The following CCSER1 variants were observed in gnomAD, a reference collection of about 807,000 sequenced individuals.
CCSER1 encodes the protein serine-rich coiled-coil domain-containing protein 1.
A neutral mutation model predicts 82.0 loss-of-function variants in CCSER1; 41 were observed. The ratio of observed to expected loss-of-function variants is 0.50; its 90% CI spans 0.39 to 0.65. The LOEUF (loss-of-function observed/expected upper bound fraction) is 0.65. Ranked by LOEUF, CCSER1 falls within the 30% of genes least tolerant of loss-of-function variation. The pLI is 0.00. For missense variants in CCSER1, 1,119 were observed against 1,064.2 expected, an observed-to-expected ratio of 1.05 and a Z score of -0.72; for synonymous variants, 414 against 383.9, an observed-to-expected ratio of 1.08 and a Z score of -0.92.
Position 91,598,758 on chromosome 4 carries a change from G to T in CCSER1, c.2404G>T (p.Val802Phe). Residue 802 changes from valine to phenylalanine, a missense_variant, in exon 11 of 11, where the codon GTT (valine) becomes TTT (phenylalanine). Val to Phe is a conservative substitution (Grantham distance 50). Transcript: ENST00000509176. ...NFLKDKELAE[V>F]IKHSRGTYET... ...CCTGAAGGACAAGGAACTAGCAGAA[G>T]TTATCAAACATTCAAGAGGAACTTA... 6.4e-7 allele frequency: 1 copy of T among 1,551,580 alleles called. No homozygotes were observed.
chr4:90,734,517 AG>A (rs1561040195), intron 7 of CCSER1, among the ~76,000 whole-genome samples: 1 of 152,148 alleles, frequency 6.6e-6, no homozygotes, highest in Non-Finnish European at 1.5e-5. Flanking sequence ...TTTTCATTGT[AG>A]AGAGCTTTCA....
chr4:90,965,201 G>A (rs1293547028), intron 9 of CCSER1, among the ~76,000 whole-genome samples: 2 of 152,122 alleles, frequency 1.3e-5, no homozygotes, highest in Admixed American at 6.5e-5. Flanking sequence ...GCTTGAGGCA[G>A]TGATACAAGT....
At chr4:90,957,439 A>T (rs1029546225) in intron 9 of CCSER1, among the ~76,000 whole-genome samples, 2 of 143,304 alleles carry the variant, frequency 1.4e-5, no homozygotes, top group Non-Finnish European at 3.0e-5. Context: ...CTAAAAACGA[A>T]CAGCAATTTC....
chr4:91,257,472 TACACAC>T (rs34423543), intron 10 of CCSER1, among the ~76,000 whole-genome samples: 31,693 of 148,904 alleles, frequency 0.21, 3,747 homozygotes, highest in East Asian at 0.34. Context: ...AATACATACC[TACACAC>T]ACACACACAC....
intron 9 of CCSER1, among the ~76,000 whole-genome samples, chr4:91,008,247 G>A (rs1738695553): frequency 6.6e-6 from 1 of 152,102 alleles, no homozygotes; most frequent in African/African-American, 2.4e-5. Flanking sequence ...ATTTTCTCTA[G>A]AGTGAAGTTT....
At chr4:90,611,059 C>CTTTTCTTTTTTTTTTTTTTTTT (rs1303751301) in intron 5 of CCSER1, among the ~76,000 whole-genome samples, 11 of 93,820 alleles carry the variant, frequency 1.2e-4, no homozygotes, top group African/African-American at 5.6e-4. Flanking sequence ...CTTTTCTTTT[C>CTTTTCTTTTTTTTTTTTTTTTT]TTTTTTTTTT....
chr4:91,430,158 A>G (rs563135815), intron 10 of CCSER1, among the ~76,000 whole-genome samples: 3 of 152,162 alleles, frequency 2.0e-5, no homozygotes, highest in African/African-American at 7.2e-5. Context: ...TGTTCAGAAC[A>G]TAAGTATTTT....
intron 1 of CCSER1, among the ~76,000 whole-genome samples, chr4:90,268,923 C>A (rs565202941): frequency 6.6e-6 from 1 of 152,002 alleles, no homozygotes; most frequent in South Asian, 2.1e-4. Context: ...AAATAGATTT[C>A]TAAACAAAGA....
intron 8 of CCSER1, among the ~76,000 whole-genome samples, chr4:90,854,205 G>A (rs1025465080): frequency 6.6e-6 from 1 of 152,160 alleles, no homozygotes; most frequent in Non-Finnish European, 1.5e-5. Context: ...ATATTTCATG[G>A]ATATTGTTGA....
chr4:91,021,608 T>G (rs1739973513), intron 9 of CCSER1, among the ~76,000 whole-genome samples: 1 of 152,214 alleles, frequency 6.6e-6, no homozygotes, highest in Non-Finnish European at 1.5e-5. Flanking sequence ...TAGAAATATT[T>G]TATGATTTTC....
intron 10 of CCSER1, among the ~76,000 whole-genome samples, chr4:91,366,585 CA>C (rs1303061742): frequency 1.3e-5 from 2 of 152,200 alleles, no homozygotes; most frequent in Non-Finnish European, 2.9e-5. Context: ...AATTCTCTTT[CA>C]GTAGATTGTC....
At chr4:90,304,889 ACT>A (rs1005805661) in intron 1 of CCSER1, among the ~76,000 whole-genome samples, 8 of 151,324 alleles carry the variant, frequency 5.3e-5, no homozygotes, top group Non-Finnish European at 1.2e-4. Context: ...TATGGGACTG[ACT>A]CTTTCATTTA....
At chr4:90,289,339 T>A (rs1219764889) in intron 1 of CCSER1, among the ~76,000 whole-genome samples, 1 of 151,932 alleles carries the variant, frequency 6.6e-6, no homozygotes, top group Admixed American at 6.6e-5. Flanking sequence ...AACTTTTAGG[T>A]CTTCTAGAGA....
At chr4:90,739,634 C>T (rs1746211069) in intron 7 of CCSER1, among the ~76,000 whole-genome samples, 1 of 152,174 alleles carries the variant, frequency 6.6e-6, no homozygotes, top group African/African-American at 2.4e-5. Flanking sequence ...AATTCAGGTT[C>T]CAATTGCTGG....
chr4:91,295,475 T>C (rs1560572363), intron 10 of CCSER1, among the ~76,000 whole-genome samples: 1 of 151,968 alleles, frequency 6.6e-6, no homozygotes, highest in Admixed American at 6.6e-5. Flanking sequence ...GTCTGTTATC[T>C]AAATGGTTAT....
chr4:91,004,691 G>T (rs889472212), intron 9 of CCSER1, among the ~76,000 whole-genome samples: 2 of 152,094 alleles, frequency 1.3e-5, no homozygotes, highest in Non-Finnish European at 2.9e-5. Flanking sequence ...ATTTTGATAG[G>T]TGTTTTTAAA....
At chr4:90,668,471 A>G (rs926341161) in intron 6 of CCSER1, among the ~76,000 whole-genome samples, 7 of 152,298 alleles carry the variant, frequency 4.6e-5, no homozygotes, top group South Asian at 2.1e-4. Context: ...AACCACTTAC[A>G]TGCTCATTTT....
chr4:91,001,671 G>C lies in CCSER1; in HGVS notation c.2172+78224G>C, dbSNP rs528746761. The stretch of plus-strand genomic sequence containing the variant: ...CCTACGTGTTAGGTGAGTCTCTTGA[G>C]AGCAACAGATAGTTGGTTGGTGAAT... On this transcript the variant is annotated intron_variant, in intron 9 of 10. Coordinates refer to ENST00000509176, the MANE Select transcript of CCSER1 (RefSeq NM_001145065.2). 3.3e-5 allele frequency among the ~76,000 whole-genome samples: 5 copies of C among 152,244 alleles called. No individual in the cohort carries two copies. The East Asian group carries it at 9.7e-4, about 29-fold the overall frequency.
At chr4:90,377,733 C>A (rs1428976540) in intron 3 of CCSER1, among the ~76,000 whole-genome samples, 1 of 151,974 alleles carries the variant, frequency 6.6e-6, no homozygotes, top group Non-Finnish European at 1.5e-5. Context: ...CCCCATGTAA[C>A]TCAATGTAAT....
Sources: allele counts gnomAD v4.1 joint callset (sites outside exome capture counted in the v4.1 genomes callset), GRCh38; gene constraint gnomAD v4.1.1; transcripts MANE v1.5; gene names NCBI Gene and HGNC (gene_info 2026-07-23, HGNC 2026-07-21).